ACOT11: variants seen among roughly 807,000 people sequenced by gnomAD.
The protein encoded by ACOT11 is acyl-CoA thioesterase 11.
In ACOT11, 69 loss-of-function variants were observed where a neutral mutation model predicts 77.5. The ratio of observed to expected loss-of-function variants is 0.89; its 90% CI spans 0.73 to 1.09. The LOEUF (loss-of-function observed/expected upper bound fraction) is 1.09. Ranked by LOEUF, ACOT11 falls within the 50% of genes least tolerant of loss-of-function variation. The probability of loss-of-function intolerance (pLI) is 0.00; values close to 1 mark genes in which losing one functional copy is unlikely to be tolerated. For missense variants in ACOT11, 766 were observed against 813.7 expected (o/e 0.94, Z 0.71); for synonymous variants, 279 against 313.0 (o/e 0.89, Z 1.15).
At chr1:54,610,652 C>A, downstream of ACOT11, 2 of 1,502,238 alleles carry the variant, frequency 1.3e-6, no homozygotes, top group East Asian at 2.3e-5. Flanking sequence ...TACGGGCATC[C>A]TCTCTAAGCC....
intron 1 of ACOT11, among the ~76,000 whole-genome samples, chr1:54,554,347 A>AT (rs1298114647): frequency 2.0e-5 from 2 of 98,386 alleles, no homozygotes; most frequent in African/African-American, 7.2e-5. Context: ...ATATATATAT[A>AT]TATATTTTTT....
downstream of ACOT11, chr1:54,610,755 C>A (rs1248374832): frequency 1.0e-6 from 1 of 983,550 alleles, no homozygotes; most frequent in Admixed American, 6.2e-5. Context: ...AGCAAAGTTG[C>A]CAGGAGTGGA....
rs148133728 is a variant in ACOT11 at position 54,556,737 on chromosome 1, A to G, written c.33+8395A>G. ...GCTGGGATTACAGGTGTGTGCCACC[A>G]TGCCTGGCTAATTTTTGTATTTTTA... On this transcript the variant is annotated intron_variant, in intron 1 of 15. Transcript: ENST00000343744. 8.4e-3 allele frequency among the ~76,000 whole-genome samples: 1,272 copies of G among 151,958 alleles called. 14 individuals are homozygous for G. The highest frequency in any genetic ancestry group is 0.024 in the African/African-American group (988 of 41,424).
Position 54,604,366 on chromosome 1 carries a change from C to T in ACOT11, c.1173C>T (p.Asn391=), listed in dbSNP as rs928232750. 33 of 1,613,898 alleles carry T rather than the reference C, an allele frequency of 2.0e-5. No individual in the cohort carries two copies. Among genetic ancestry groups the T allele is most frequent in the African/African-American group, 5.3e-5 (4 of 74,880 alleles). Residue 391 remains asparagine, a synonymous_variant, in exon 12 of 16, where the codon AAC becomes AAT. Transcript: ENST00000343744. ...PSNQVYLSYN[N]VSSLKMLVAK... ...TTCAGGTGTACCTGAGCTACAATAA[C>T]GTCTCCTCCTTGAAGATGCTTGTGG...
intron 15 of ACOT11, among the ~76,000 whole-genome samples, chr1:54,622,827 A>T (rs1204612403): frequency 9.5e-6 from 1 of 105,160 alleles, no homozygotes; most frequent in East Asian, 2.9e-4. Flanking sequence ...GGGGGATGGA[A>T]GAGAGAAAGA....
In ACOT11 at chr1:54,592,607, G is replaced by C; in HGVS notation, c.372+1G>C. 1 of 1,613,504 alleles carries C rather than the reference G, an allele frequency of 6.2e-7. No individual in the cohort carries two copies. The highest frequency in any genetic ancestry group is 1.1e-5 in the South Asian group (1 of 90,874). On this transcript the variant is annotated splice_donor_variant, in intron 4 of 15. Coordinates refer to ENST00000343744, the MANE Select transcript of ACOT11 (RefSeq NM_147161.4). LOFTEE classifies it high-confidence loss of function. ...CCGGGCCTTCAACTCCAGCATGGAG[G>C]TGTGTGGGGTGGGCACTGCTTGGGA...
chr1:54,623,844 G>A (rs187486542), intron 15 of ACOT11, among the ~76,000 whole-genome samples: 4 of 152,280 alleles, frequency 2.6e-5, no homozygotes, highest in Non-Finnish European at 5.9e-5. Context: ...GGGTGATCCC[G>A]AACATTCTGT....
chr1:54,576,812 A>T (rs1283284304), intron 1 of ACOT11, among the ~76,000 whole-genome samples: 2 of 150,916 alleles, frequency 1.3e-5, no homozygotes. Flanking sequence ...GGGGTGGCCC[A>T]TGAAGGGCCT....
chr1:54,580,137 A>C (rs1338589164), intron 1 of ACOT11, among the ~76,000 whole-genome samples: 1 of 152,142 alleles, frequency 6.6e-6, no homozygotes, highest in African/African-American at 2.4e-5. Flanking sequence ...AGACCCATAG[A>C]GGTGTAGCAG....
chr1:54,590,107 A>T (rs1270414049), intron 3 of ACOT11, among the ~76,000 whole-genome samples: 1 of 151,896 alleles, frequency 6.6e-6, no homozygotes, highest in Admixed American at 6.6e-5. Flanking sequence ...AAAACAAAAA[A>T]ACCCAAAAAC....
chr1:54,549,173 C>A (rs1345285244), intron 1 of ACOT11, among the ~76,000 whole-genome samples: 1 of 152,148 alleles, frequency 6.6e-6, no homozygotes. Flanking sequence ...CCCCTGGCTC[C>A]CCCATTCCAT....
intron 15 of ACOT11, among the ~76,000 whole-genome samples, chr1:54,628,660 C>A (rs1644284542): frequency 8.3e-6 from 1 of 120,256 alleles, no homozygotes; most frequent in East Asian, 2.8e-4. Flanking sequence ...TGAATTTGTA[C>A]TGCTTAGGTG....
At chr1:54,559,351 T>G (rs563144692) in intron 1 of ACOT11, among the ~76,000 whole-genome samples, 1 of 152,276 alleles carries the variant, frequency 6.6e-6, no homozygotes, top group African/African-American at 2.4e-5. Context: ...GCCCCTCACC[T>G]GTGCCTGGGC....
chr1:54,639,038 T>A (rs903854131), exon 17 of ACOT11: 4 of 151,040 alleles, frequency 2.6e-5, no homozygotes, highest in African/African-American at 9.7e-5. Flanking sequence ...AAAAAAATTT[T>A]AAAAAATTAG....
Position 54,607,022 on chromosome 1 carries a change from T to A in ACOT11, c.1371-112T>A. ...TTGCTGAGCAGTACAGGGGGTGACA[T>A]CCCATCACAGAAGCTGCTCAGGCAC... On this transcript the variant is annotated intron_variant, in intron 13 of 15. Coordinates refer to ENST00000343744, the MANE Select transcript of ACOT11 (RefSeq NM_147161.4). This position sits in a 1 kb window ranked among gnomAD's most constrained non-coding sequence, Gnocchi z 4.5. 1 of 1,461,708 alleles carries A rather than the reference T, an allele frequency of 6.8e-7. No homozygotes were observed. Among genetic ancestry groups the A allele is most frequent in the Non-Finnish European group, 9.3e-7 (1 of 1,078,176 alleles). 90.5% of individuals were successfully genotyped at this position (1,461,708 alleles called of 1,614,324 possible).
intron 1 of ACOT11, among the ~76,000 whole-genome samples, chr1:54,570,154 T>G (rs1241880068): frequency 6.6e-6 from 1 of 152,212 alleles, no homozygotes; most frequent in East Asian, 1.9e-4. Flanking sequence ...TGAGGTGTCT[T>G]GAGCCTCTCG....
intron 3 of ACOT11, among the ~76,000 whole-genome samples, chr1:54,588,076 C>T (rs558228437): frequency 3.5e-4 from 53 of 151,972 alleles, no homozygotes; most frequent in Non-Finnish European, 6.6e-4. Context: ...TGGTGATATA[C>T]GCCTGTGGTC....
At chr1:54,569,998 C>A (rs979728137) in intron 1 of ACOT11, among the ~76,000 whole-genome samples, 3 of 152,188 alleles carry the variant, frequency 2.0e-5, no homozygotes, top group African/African-American at 7.2e-5. Context: ...TGAGCACTTA[C>A]AATGTTCTGG....
chr1:54,596,337 A>G (rs887933696), intron 6 of ACOT11, among the ~76,000 whole-genome samples: 1 of 151,940 alleles, frequency 6.6e-6, no homozygotes, highest in Non-Finnish European at 1.5e-5. Context: ...CAGCTCTTTG[A>G]TGGACCCTCC....
Sources: allele counts gnomAD v4.1 joint callset (sites outside exome capture counted in the v4.1 genomes callset), GRCh38; gene constraint gnomAD v4.1.1; non-coding constraint Gnocchi (gnomAD v3.1); transcripts MANE v1.5; gene names NCBI Gene and HGNC (gene_info 2026-07-23, HGNC 2026-07-21).